Variants in GSE1 observed in about 807,000 individuals in gnomAD.
GSE1 encodes the protein genetic suppressor element 1.
In GSE1, 32 loss-of-function variants were observed where a neutral mutation model predicts 112.6. The observed-to-expected ratio is 0.28, with a 90% CI of 0.21 to 0.38. GSE1 has a LOEUF of 0.38. GSE1 is among the 10% of genes least tolerant of loss of function. The probability of loss-of-function intolerance (pLI) is 1.00; values close to 1 mark genes in which losing one functional copy is unlikely to be tolerated. For missense variants in GSE1, 2,348 were observed against 1,699.2 expected, an observed-to-expected ratio of 1.38 and a Z score of -6.71; for synonymous variants, 1,115 against 735.6, an observed-to-expected ratio of 1.52 and a Z score of -8.35.
At chr16:85,532,599 C>T (rs2044172660) in intron 2 of GSE1, among the ~76,000 whole-genome samples, 1 of 152,124 alleles carries the variant, frequency 6.6e-6, no homozygotes, top group Non-Finnish European at 1.5e-5. Context: ...TACTGCCCTA[C>T]ATGCCACGTC....
At chr16:85,472,604 G>A (rs989828376) in intron 2 of GSE1, among the ~76,000 whole-genome samples, 13 of 152,190 alleles carry the variant, frequency 8.5e-5, no homozygotes, top group African/African-American at 1.4e-4. Flanking sequence ...GAGGCATAGC[G>A]CAGCCCGGCA....
intron 1 of GSE1, among the ~76,000 whole-genome samples, chr16:85,224,301 C>CAAAAAAAAAAAAAAAAA (rs55755242): frequency 5.2e-5 from 2 of 38,802 alleles, no homozygotes; most frequent in African/African-American, 2.2e-4. Flanking sequence ...ACTAAAAATA[C>CAAAAAAAAAAAAAAAAA]AAAAAAAAAA....
intron 1 of GSE1, among the ~76,000 whole-genome samples, chr16:85,234,435 C>G (rs1904387275): frequency 6.6e-6 from 1 of 152,176 alleles, no homozygotes; most frequent in Non-Finnish European, 1.5e-5. Context: ...GCTCCAGCAG[C>G]AACTCTGGAT....
chr16:85,290,871 G>A (rs977757114), intron 1 of GSE1, among the ~76,000 whole-genome samples: 2 of 152,140 alleles, frequency 1.3e-5, no homozygotes, highest in Non-Finnish European at 2.9e-5. Flanking sequence ...CCCTGAGCAG[G>A]CCAGTGTGGG....
chr16:85,504,952 G>A (rs1027467555), intron 2 of GSE1, among the ~76,000 whole-genome samples: 5 of 152,314 alleles, frequency 3.3e-5, no homozygotes, highest in Middle Eastern at 6.8e-3. Flanking sequence ...CGATGAAGTC[G>A]CTGCATCGAG....
chr16:85,576,564 T>C (rs1490423969), intron 1 of GSE1, among the ~76,000 whole-genome samples: 2 of 152,200 alleles, frequency 1.3e-5, no homozygotes, highest in Non-Finnish European at 2.9e-5. Flanking sequence ...ATTGACTGTC[T>C]GCTCTCCCGG....
chr16:85,435,981 G>A (rs1044851269), intron 2 of GSE1, among the ~76,000 whole-genome samples: 22 of 152,154 alleles, frequency 1.4e-4, no homozygotes, highest in Non-Finnish European at 5.9e-5. Context: ...TGGGGCTCCC[G>A]GATCTCACCA....
At chr16:85,439,336 G>A (rs1479157698) in intron 2 of GSE1, among the ~76,000 whole-genome samples, 1 of 152,324 alleles carries the variant, frequency 6.6e-6, no homozygotes, top group East Asian at 1.9e-4. Context: ...GGGCGGCCTC[G>A]GGCGCTGGCC....
intron 1 of GSE1, among the ~76,000 whole-genome samples, chr16:85,352,380 A>C (rs2046868234): frequency 6.6e-6 from 1 of 152,240 alleles, no homozygotes. Context: ...GAAATTCAGG[A>C]AACAATGGCA....
chr16:85,630,490 T>G (rs1013228622), intron 1 of GSE1, among the ~76,000 whole-genome samples: 1 of 152,140 alleles, frequency 6.6e-6, no homozygotes, highest in African/African-American at 2.4e-5. Context: ...ATGTGTCGTT[T>G]CAGGGTAATT....
chr16:85,537,049 A>G (rs947195424), intron 2 of GSE1, among the ~76,000 whole-genome samples: 8 of 152,198 alleles, frequency 5.3e-5, no homozygotes, highest in Non-Finnish European at 1.5e-5. Flanking sequence ...TGCCCTCTCC[A>G]GCACCTCGCC....
At chr16:85,369,952 G>A (rs570685319) in intron 2 of GSE1, among the ~76,000 whole-genome samples, 161 of 152,346 alleles carry the variant, frequency 1.1e-3, no homozygotes, top group African/African-American at 2.1e-3. Context: ...GTCACCCCGG[G>A]TCAGTCCCCT....
chr16:85,260,220 G>T (rs1220240353), intron 1 of GSE1, among the ~76,000 whole-genome samples: 1 of 152,106 alleles, frequency 6.6e-6, no homozygotes, highest in Admixed American at 6.5e-5. Flanking sequence ...CAGTCTAGTT[G>T]CCTCTGGTCT....
intron 1 of GSE1, among the ~76,000 whole-genome samples, chr16:85,179,513 G>A (rs2074538418): frequency 1.3e-5 from 2 of 152,148 alleles, no homozygotes; most frequent in Non-Finnish European, 2.9e-5. Context: ...TGTGCGCCTG[G>A]GAGTAAGGTT....
At chr16:85,362,377 A>G (rs1471646560) in intron 2 of GSE1, among the ~76,000 whole-genome samples, 3 of 152,208 alleles carry the variant, frequency 2.0e-5, no homozygotes, top group African/African-American at 4.8e-5. Context: ...CTTCCCTAGA[A>G]CAATTATCTT....
chr16:85,357,745 T>G (rs2046979973), intron 2 of GSE1: 2 of 701,846 alleles, frequency 2.8e-6, no homozygotes, highest in Admixed American at 5.7e-5. Flanking sequence ...CAGTTCCGCC[T>G]TGTGTCCTCG....
chr16:85,193,050 C>A (rs959969621), intron 1 of GSE1, among the ~76,000 whole-genome samples: 1 of 152,170 alleles, frequency 6.6e-6, no homozygotes, highest in East Asian at 1.9e-4. Flanking sequence ...CTTGGTAAGG[C>A]CTCTAATGCT....
intron 1 of GSE1, among the ~76,000 whole-genome samples, chr16:85,631,163 C>T (rs1361489688): frequency 1.3e-5 from 2 of 152,224 alleles, no homozygotes; most frequent in Non-Finnish European, 2.9e-5. Context: ...TGTCCTGTGC[C>T]ACTTCGTCTT....
intron 1 of GSE1, among the ~76,000 whole-genome samples, chr16:85,193,271 A>AT (rs1279212528): frequency 1.6e-4 from 24 of 152,336 alleles, no homozygotes; most frequent in Non-Finnish European, 2.8e-4. Flanking sequence ...GAAAGGAATG[A>AT]TAAACACACC....
Sources: gnomAD v4.1 joint callset for allele counts (sites outside exome capture counted in the v4.1 genomes callset) on GRCh38, gnomAD v4.1.1 for gene constraint, MANE v1.5 for transcripts, NCBI Gene and HGNC (gene_info 2026-07-23, HGNC 2026-07-21) for gene names.